Variants in AMOT observed in about 807,000 individuals in gnomAD.
AMOT encodes the protein angiomotin.
In AMOT, 11 loss-of-function variants were observed where a neutral mutation model predicts 67.0. The observed-to-expected ratio is 0.16, with a 90% CI of 0.10 to 0.27. The LOEUF is 0.27. Ranked by LOEUF, AMOT falls within the 10% of genes least tolerant of loss-of-function variation. AMOT has a pLI of 1.00. For synonymous variants in AMOT, 326 were observed against 321.4 expected (o/e 1.01, Z -0.15); for missense variants, 753 against 852.0 (o/e 0.88, Z 1.45).
At chrX:112,836,878 A>G (rs1935143496) in intron 1 of AMOT, among the ~76,000 whole-genome samples, 1 of 61,994 alleles carries the variant, frequency 1.6e-5, no homozygotes, top group Non-Finnish European at 3.3e-5. Context: ...CCCTGTCCAA[A>G]CCCATAATTT....
At chrX:112,797,549 G>A (rs1301722279) in intron 8 of AMOT, among the ~76,000 whole-genome samples, 4 of 111,791 alleles carry the variant, frequency 3.6e-5, no homozygotes, top group East Asian at 2.8e-4. Flanking sequence ...GGGAGGCTGA[G>A]GCGGGTGGAT....
chrX:112,782,671 G>A lies in AMOT; in HGVS notation c.2118-9C>T, dbSNP rs374773293. The stretch of plus-strand genomic sequence containing the variant: ...TGATGACTGTTGTGTCCCTGGGGAG[G>A]AAAATGGAAGTGATGAGATGGGAGC... On this transcript the variant is annotated splice_polypyrimidine_tract_variant and intron_variant, in intron 10 of 13. Coordinates refer to ENST00000371959, the MANE Select transcript of AMOT (RefSeq NM_001113490.2). The A allele has an allele frequency of 4.2e-6, 5 of 1,202,514 alleles. No individual in the cohort carries two copies. The African/African-American group carries it at 5.3e-5, about 13-fold the overall frequency.
Position 112,822,885 on chromosome X carries a change from T to A in AMOT, c.242A>T (p.Gln81Leu). The A allele has an allele frequency of 8.6e-7, 1 of 1,167,898 alleles. No homozygotes were observed. Among genetic ancestry groups the A allele is most frequent in the Non-Finnish European group, 1.1e-6 (1 of 873,100 alleles). The change falls in exon 4 of 14, where the codon CAG becomes CTG. Residue 81 changes from glutamine (Q) to leucine (L), a missense_variant. Physicochemically the swap from Gln to Leu is moderately radical, Grantham distance 113. Around this residue, in one of 5 missense-constraint regions of AMOT, gnomAD observed 118 missense variants for 125.9 expected, o/e 0.94. Coordinates refer to ENST00000371959, the MANE Select transcript of AMOT (RefSeq NM_001113490.2). ...GTTTTCTGACTGGATTTCCTGCCCC[T>A]GGGGTTCTTGTCGAGCAGCATGAGC... Reference protein sequence around the residue: ...LVAHAARQEPQGQEIQSENLI... With the variant: ...LVAHAARQEPLGQEIQSENLI...
In AMOT at chrX:112,811,274, C is replaced by T. The variant is rs1602799693; in HGVS notation, c.1512G>A (p.Met504Ile). The change falls in exon 6 of 14, where the codon ATG becomes ATA. Residue 504 changes from methionine (M) to isoleucine (I), a missense_variant. Transcript: ENST00000371959. ...RNKLEGEIRR[M>I]HDFNRDLRER... Reference sequence around the variant, plus strand: ...CTCTCAGATCCCTGTTGAAATCATGCATCCTCCGAATCTCGCCCTCTAGCT... The same window carrying T: ...CTCTCAGATCCCTGTTGAAATCATGTATCCTCCGAATCTCGCCCTCTAGCT... 1 of 1,210,957 alleles carries T rather than the reference C, an allele frequency of 8.3e-7. No homozygotes were observed. The highest frequency in any genetic ancestry group is 2.2e-5 in the Admixed American group (1 of 45,963).
intron 4 of AMOT, among the ~76,000 whole-genome samples, chrX:112,818,913 A>T (rs1934638311): frequency 9.1e-6 from 1 of 110,372 alleles, no homozygotes; most frequent in Non-Finnish European, 1.9e-5. Flanking sequence ...GCAAGCCCTG[A>T]CCTGCCTCCT....
intron 2 of AMOT, among the ~76,000 whole-genome samples, chrX:112,830,108 T>G (rs1934949921): frequency 8.9e-6 from 1 of 112,374 alleles, no homozygotes; most frequent in Non-Finnish European, 1.9e-5. Flanking sequence ...AGCATGCATT[T>G]ATTTTTAATA....
intron 8 of AMOT, among the ~76,000 whole-genome samples, chrX:112,792,960 T>A (rs1164144803): frequency 2.3e-5 from 2 of 87,671 alleles, no homozygotes; most frequent in East Asian, 5.9e-4. Flanking sequence ...ATCTCAGAGC[T>A]CTTTAAAGAA....
Position 112,811,289 on chromosome X carries a change from G to A in AMOT, c.1497C>T (p.Gly499=), listed in dbSNP as rs770175236. Residue 499 remains glycine, a synonymous_variant, in exon 6 of 14, where the codon GGC becomes GGT. Transcript: ENST00000371959. ...TGAAATCATGCATCCTCCGAATCTC[G>A]CCCTCTAGCTTGTTTCTCATGGCTT... is the stretch of plus-strand genomic sequence containing the variant. The part of the protein sequence containing the change: ...LEKAMRNKLE[G]EIRRMHDFNR... The A allele has an allele frequency of 2.5e-6, 3 of 1,208,693 alleles. No individual in the cohort carries two copies. The highest frequency in any genetic ancestry group is 2.2e-6 in the Non-Finnish European group (2 of 894,736).
rs1392977290 is a variant in AMOT at position 112,822,311 on chromosome X, C to A, written c.816G>T (p.Gly272=). ...FYSEHRLNQP[G]RTEGQLMRYQ... is the part of the protein sequence containing the mutation. ...ACCTCATCAGTTGCCCCTCTGTTCTCCCTGGCTGGTTCAGGCGATGCTCAC... is the reference window on the plus strand; with the variant it reads ...ACCTCATCAGTTGCCCCTCTGTTCTACCTGGCTGGTTCAGGCGATGCTCAC... Residue 272 remains glycine (G), a synonymous_variant, in exon 4 of 14, where the codon GGG becomes GGT. Coordinates refer to ENST00000371959, the MANE Select transcript of AMOT (RefSeq NM_001113490.2). 2 of 1,128,142 alleles carry A rather than the reference C, an allele frequency of 1.8e-6. No homozygotes were observed. The highest frequency in any genetic ancestry group is 2.3e-6 in the Non-Finnish European group (2 of 853,007). The allele number at this position is 1,128,142 out of a possible 1,213,427, so 93.0% of individuals were successfully genotyped here. A position where few individuals can be genotyped will look rare whatever the true frequency, so the allele number is the denominator to read the frequency against.
chrX:112,838,337 G>C (rs1187569377), intron 1 of AMOT, among the ~76,000 whole-genome samples: 2 of 112,050 alleles, frequency 1.8e-5, no homozygotes, highest in Non-Finnish European at 3.8e-5. Context: ...GGAAGAAAGG[G>C]GGATGGGGAA....
intron 8 of AMOT, among the ~76,000 whole-genome samples, chrX:112,794,885 T>C (rs1933746817): frequency 8.9e-6 from 1 of 111,834 alleles, no homozygotes; most frequent in South Asian, 3.8e-4. Context: ...CCAGATATCC[T>C]TGACATGGCT....
At chrX:112,840,416 C>G (rs1935263457) in intron 1 of AMOT, 36 bp downstream of exon 1, 1 of 112,808 alleles carries the variant, frequency 8.9e-6, no homozygotes, top group Non-Finnish European at 1.9e-5. Flanking sequence ...GATTCCTGCC[C>G]CAGTTCCCCG....
intron 2 of AMOT, among the ~76,000 whole-genome samples, chrX:112,831,990 G>GA (rs1290719243): frequency 1.8e-5 from 2 of 111,211 alleles, no homozygotes; most frequent in Non-Finnish European, 3.8e-5. Flanking sequence ...AGTGTGGAGA[G>GA]AAAAAAAGAA....
At chrX:112,779,949 C>A (rs1051483460) in intron 12 of AMOT, among the ~76,000 whole-genome samples, 2 of 110,983 alleles carry the variant, frequency 1.8e-5, no homozygotes, top group African/African-American at 6.6e-5. Flanking sequence ...CTTCGAGGAT[C>A]CCTTCTGGTC....
intron 4 of AMOT, among the ~76,000 whole-genome samples, chrX:112,818,892 CAT>C (rs1171780972): frequency 2.7e-5 from 3 of 111,027 alleles, no homozygotes; most frequent in Non-Finnish European, 5.7e-5. Flanking sequence ...AACAGAATCA[CAT>C]GATTCCATGC....
rs148609725 is a variant in AMOT at position 112,779,197 on chromosome X, G to C, written c.2957C>G (p.Pro986Arg). 1.3e-6 allele frequency: 1 copy of C among 768,179 alleles called. No individual in the cohort carries two copies. The highest frequency in any genetic ancestry group is 2.0e-6 in the Non-Finnish European group (1 of 492,128). The allele number at this position is 768,179 out of a possible 1,213,427, so 63.3% of individuals were successfully genotyped here. Residue 986 changes from proline to arginine, a missense_variant, in exon 13 of 14, where the codon CCG (proline) becomes CGG (arginine). Pro to Arg is a moderately radical substitution (Grantham distance 103). Transcript: ENST00000371959. The part of the protein sequence containing the change: ...PAPVPAPALV[P>R]VPAPAAAQAS... Reference sequence around the variant, plus strand: ...CTGAGCCGCTGCTGGAGCTGGAACCGGAACCAGAGCCGGAGCTGGAACTGG... The same window carrying C: ...CTGAGCCGCTGCTGGAGCTGGAACCCGAACCAGAGCCGGAGCTGGAACTGG...
chrX:112,815,064 A>G lies in AMOT; in HGVS notation c.1392+294T>C, dbSNP rs1227472383. ...ACCAGTATTCTTATCAAGAAGTATC[A>G]CTGCCTTTTGGAATTCTAAAAGAAT... On this transcript the variant is annotated intron_variant, in intron 5 of 13. Transcript: ENST00000371959. Among the ~76,000 whole-genome samples, 17 of 112,255 alleles carry G rather than the reference A, an allele frequency of 1.5e-4. No individual in the cohort carries two copies. The Admixed American group carries it at 1.6e-3, about 11-fold the overall frequency.
At chrX:112,825,614 T>C (rs756717713) in intron 2 of AMOT, among the ~76,000 whole-genome samples, 2 of 110,585 alleles carry the variant, frequency 1.8e-5, no homozygotes, top group Non-Finnish European at 3.8e-5. Context: ...AGGCTCACTG[T>C]CCCACATCCC....
In AMOT at chrX:112,798,224, C is replaced by G. The variant is rs143411277; in HGVS notation, c.1777-6243G>C. Among the ~76,000 whole-genome samples, 384 of 112,295 alleles carry G rather than the reference C, an allele frequency of 3.4e-3. 1 individual carries two copies. The highest frequency in any genetic ancestry group is 0.012 in the African/African-American group (367 of 30,954). On this transcript the variant is annotated intron_variant, in intron 8 of 13. Coordinates refer to ENST00000371959, the MANE Select transcript of AMOT (RefSeq NM_001113490.2). ...CATATTGGTCTGATCATTTCTTATC[C>G]CTCCTTACTAAATCACTAAACTCTC...
Sources: gnomAD v4.1 joint callset for allele counts (sites outside exome capture counted in the v4.1 genomes callset) on GRCh38, gnomAD v4.1.1 for gene constraint, gnomAD v4.1.1 regional missense constraint, MANE v1.5 for transcripts, NCBI Gene and HGNC (gene_info 2026-07-23, HGNC 2026-07-21) for gene names.